Variants in ANO6 observed in about 807,000 individuals in gnomAD.
The protein encoded by ANO6 is anoctamin-6.
ANO6 carries 106 observed loss-of-function variants against 117.5 expected under a neutral mutation model. The observed-to-expected ratio is 0.90, with a 90% confidence interval of 0.77 to 1.06. The LOEUF (loss-of-function observed/expected upper bound fraction) is 1.06, where lower values mean the gene tolerates loss of function less well. ANO6 is among the 50% of genes least tolerant of loss of function. The pLI, the probability that ANO6 is intolerant of heterozygous loss-of-function variation, is 0.00. For synonymous variants in ANO6, 367 were observed against 385.1 expected (o/e 0.95, Z 0.55); for missense variants, 955 against 1,121.1 (o/e 0.85, Z 2.12).
chr12:45,255,818 G>GTTTGTTTTT (rs1937797674), intron 1 of ANO6, among the ~76,000 whole-genome samples: 1 of 81,712 alleles, frequency 1.2e-5, no homozygotes, highest in African/African-American at 4.5e-5. Flanking sequence ...CTCCCTGGGT[G>GTTTGTTTTT]TTTTTTTTTT....
intron 1 of ANO6, among the ~76,000 whole-genome samples, chr12:45,282,637 G>A (rs1938778495): frequency 2.6e-5 from 4 of 152,314 alleles, no homozygotes; most frequent in Non-Finnish European, 5.9e-5. Context: ...AGGAGTGCCA[G>A]CGTACTTTGA....
At chr12:45,373,555 A>T (rs1007097058) in intron 9 of ANO6, among the ~76,000 whole-genome samples, 3 of 152,178 alleles carry the variant, frequency 2.0e-5, no homozygotes, top group South Asian at 2.1e-4. Context: ...GGATTAAGAA[A>T]CTCACTCAAA....
downstream of ANO6, among the ~76,000 whole-genome samples, chr12:45,437,275 A>G (rs1943717405): frequency 1.3e-5 from 2 of 152,218 alleles, no homozygotes; most frequent in African/African-American, 4.8e-5. Context: ...CAGAGGCTCC[A>G]TGACATGGAA....
At chr12:45,366,144 G>A (rs963696801) in intron 8 of ANO6, among the ~76,000 whole-genome samples, 1 of 133,296 alleles carries the variant, frequency 7.5e-6, no homozygotes, top group East Asian at 2.1e-4. Flanking sequence ...GTATTAATTT[G>A]TAGGAGTCCT....
intron 15 of ANO6, among the ~76,000 whole-genome samples, chr12:45,405,621 A>T (rs1209846004): frequency 6.6e-6 from 1 of 152,200 alleles, no homozygotes; most frequent in Non-Finnish European, 1.5e-5. Context: ...TTTATCAAAG[A>T]TATATCAGCC....
chr12:45,401,184 C>T (rs1460709411), intron 12 of ANO6, among the ~76,000 whole-genome samples: 1 of 152,206 alleles, frequency 6.6e-6, no homozygotes, highest in East Asian at 1.9e-4. Context: ...ACAGTTAGCT[C>T]AGGGCACCTC....
intron 11 of ANO6, 44 bp downstream of exon 11, chr12:45,388,347 T>C (rs761027779): frequency 3.4e-5 from 55 of 1,611,026 alleles, no homozygotes; most frequent in South Asian, 2.2e-4. Flanking sequence ...TACTTACTGC[T>C]GTGGTTCTCC....
chr12:45,378,245 C>G, intron 10 of ANO6, 132 bp downstream of exon 10: 2 of 855,154 alleles, frequency 2.3e-6, no homozygotes, highest in Non-Finnish European at 3.7e-6. Context: ...CCATTTATAA[C>G]TGAGGGCATT....
chr12:45,385,076 GT>G (rs1942261730), intron 10 of ANO6, among the ~76,000 whole-genome samples: 2 of 152,134 alleles, frequency 1.3e-5, no homozygotes, highest in African/African-American at 4.8e-5. Flanking sequence ...GTTTCCTTCA[GT>G]TTGTTCATTC....
intron 11 of ANO6, 36 bp downstream of exon 11, chr12:45,388,339 C>T: frequency 6.2e-7 from 1 of 1,612,308 alleles, no homozygotes; most frequent in Non-Finnish European, 8.5e-7. Context: ...GTTTAATCTA[C>T]TTACTGCTGT....
chr12:45,338,404 C>G (rs1444053706), intron 3 of ANO6, among the ~76,000 whole-genome samples: 2 of 152,030 alleles, frequency 1.3e-5, no homozygotes, highest in Non-Finnish European at 2.9e-5. Context: ...CTGGGAATGA[C>G]ATTTGCAACA....
chr12:45,372,908 C>T (rs1264904542), intron 9 of ANO6, among the ~76,000 whole-genome samples: 1 of 152,188 alleles, frequency 6.6e-6, no homozygotes, highest in Non-Finnish European at 1.5e-5. Flanking sequence ...TTAAAAGACA[C>T]AGACTGGCAA....
chr12:45,372,361 T>C lies in ANO6; in HGVS notation c.1104+4568T>C, dbSNP rs1413088375. 5.9e-3 allele frequency among the ~76,000 whole-genome samples: 800 copies of C among 135,786 alleles called. 10 individuals carry two copies. Among genetic ancestry groups the C allele is most frequent in the African/African-American group, 0.02 (697 of 35,428 alleles). The allele number at this position is 135,786 out of a possible 152,430, so 89.1% of individuals were successfully genotyped here. On this transcript the variant is annotated intron_variant, in intron 9 of 19. Transcript: ENST00000320560. Reference sequence around the variant, plus strand: ...GTTCAGATTCAGGAAATACAGAGAATGCCACAAAGATACTCCTCGAGAAGA... The same window carrying C: ...GTTCAGATTCAGGAAATACAGAGAACGCCACAAAGATACTCCTCGAGAAGA...
intron 1 of ANO6, among the ~76,000 whole-genome samples, chr12:45,217,291 T>G (rs1424576141): frequency 6.6e-6 from 1 of 152,170 alleles, no homozygotes; most frequent in Non-Finnish European, 1.5e-5. Flanking sequence ...ACCAAGCCAG[T>G]CTGTTGTGGC....
chr12:45,418,264 G>A (rs1003208278), intron 17 of ANO6, among the ~76,000 whole-genome samples: 5 of 152,120 alleles, frequency 3.3e-5, no homozygotes, highest in South Asian at 4.2e-4. Context: ...CCCCAGAACC[G>A]TACATTTATC....
At chr12:45,385,523 A>G (rs896802657) in intron 10 of ANO6, among the ~76,000 whole-genome samples, 7 of 152,092 alleles carry the variant, frequency 4.6e-5, no homozygotes, top group Non-Finnish European at 1.0e-4. Flanking sequence ...TATGCAGCCT[A>G]GGGAGGGTTG....
chr12:45,257,384 G>A (rs550571045), intron 1 of ANO6, among the ~76,000 whole-genome samples: 3 of 152,078 alleles, frequency 2.0e-5, no homozygotes, highest in Non-Finnish European at 4.4e-5. Context: ...AGTCTGATGT[G>A]CCACAGACTC....
Position 45,416,681 on chromosome 12 carries a change from T to C in ANO6, c.2012-18T>C. On this transcript the variant is annotated intron_variant, in intron 16 of 19. Coordinates refer to ENST00000320560, the MANE Select transcript of ANO6 (RefSeq NM_001025356.3). Reference sequence around the variant, plus strand: ...CCATCCACCACCACTCCATGATGTGTGTCCATTCCATTGACAGTTATTCAG... The same window carrying C: ...CCATCCACCACCACTCCATGATGTGCGTCCATTCCATTGACAGTTATTCAG... 6.2e-7 allele frequency: 1 copy of C among 1,613,074 alleles called. No homozygotes were observed. Among genetic ancestry groups the C allele is most frequent in the South Asian group, 1.1e-5 (1 of 91,004 alleles).
At chr12:45,228,098 C>G in intron 1 of ANO6, 1 of 397,114 alleles carries the variant, frequency 2.5e-6, no homozygotes, top group South Asian at 1.8e-5. Flanking sequence ...TGTGGCCTAT[C>G]CTATTCTCCT....
Sources: gnomAD v4.1 joint callset for allele counts (sites outside exome capture counted in the v4.1 genomes callset) on GRCh38, gnomAD v4.1.1 for gene constraint, MANE v1.5 for transcripts, NCBI Gene and HGNC (gene_info 2026-07-23, HGNC 2026-07-21) for gene names.